VGLL4: variants seen among roughly 807,000 people sequenced by gnomAD.
VGLL4 encodes the protein vestigial like family member 4.
VGLL4 carries 7 observed loss-of-function variants against 21.0 expected under a neutral mutation model. That is an observed-to-expected ratio of 0.33 (90% CI 0.19 to 0.63). The LOEUF is 0.63. VGLL4 is among the 20% of genes least tolerant of loss of function. VGLL4 has a pLI of 0.78. For missense variants in VGLL4, 394 were observed against 425.7 expected, an observed-to-expected ratio of 0.93 and a Z score of 0.66; for synonymous variants, 222 against 173.2, an observed-to-expected ratio of 1.28 and a Z score of -2.21.
chr3:11,591,622 T>C (rs955882161), intron 2 of VGLL4, among the ~76,000 whole-genome samples: 1 of 152,190 alleles, frequency 6.6e-6, no homozygotes, highest in South Asian at 2.1e-4. Flanking sequence ...AATGAGAAAA[T>C]GCCTCTAGCC....
At chr3:11,583,228 C>G (rs971466400) in intron 2 of VGLL4, among the ~76,000 whole-genome samples, 1 of 152,174 alleles carries the variant, frequency 6.6e-6, no homozygotes, top group Non-Finnish European at 1.5e-5. Context: ...TCAGAGTAAA[C>G]TCTGATCAAC....
At chr3:11,607,637 T>C (rs2074975140) in intron 1 of VGLL4, among the ~76,000 whole-genome samples, 1 of 152,210 alleles carries the variant, frequency 6.6e-6, no homozygotes, top group Non-Finnish European at 1.5e-5. Context: ...AATAAGAATA[T>C]ATTTATAAGC....
At chr3:11,589,018 G>A (rs1447734760) in intron 2 of VGLL4, among the ~76,000 whole-genome samples, 1 of 152,178 alleles carries the variant, frequency 6.6e-6, no homozygotes, top group Admixed American at 6.5e-5. Context: ...ACGAGTCTCT[G>A]GAAGATCCTG....
chr3:11,687,711 CTA>C (rs2076472044), intron 2 of VGLL4, among the ~76,000 whole-genome samples: 2 of 152,178 alleles, frequency 1.3e-5, no homozygotes, highest in Admixed American at 1.3e-4. Context: ...AATTAAGTCT[CTA>C]ATCAGTCCTA....
Position 11,559,368 on chromosome 3 carries a change from C to A in VGLL4, c.583G>T (p.Ala195Ser). Residue 195 changes from alanine (A) to serine (S), a missense_variant, in exon 4 of 5, where the codon GCG (alanine) becomes TCG (serine). Transcript: ENST00000430365. ...HCPIAHSGCAAPGPASYRRPP... is the reference protein window; with the variant it reads ...HCPIAHSGCASPGPASYRRPP... ...CTCCGGTAGCTGGCAGGCCCGGGCGCGGCACAGCCGCTGTGCGCGATGGGG... is the reference window on the plus strand; with the variant it reads ...CTCCGGTAGCTGGCAGGCCCGGGCGAGGCACAGCCGCTGTGCGCGATGGGG... 1 of 1,551,638 alleles carries A rather than the reference C, an allele frequency of 6.4e-7. No individual in the cohort carries two copies. The highest frequency in any genetic ancestry group is 8.7e-7 in the Non-Finnish European group (1 of 1,147,800).
Position 11,568,775 on chromosome 3 carries a change from C to G in VGLL4, c.273-3756G>C. Reference sequence around the variant, plus strand: ...CCGGGAGATGGAAGTCGCCTCCGCTCCTGGTCAGGACTGTGCCCGAGAGAG... The same window carrying G: ...CCGGGAGATGGAAGTCGCCTCCGCTGCTGGTCAGGACTGTGCCCGAGAGAG... On this transcript the variant is annotated intron_variant, in intron 2 of 4. Coordinates refer to ENST00000430365, the MANE Select transcript of VGLL4 (RefSeq NM_001128219.3). The surrounding 1 kb of genome is among the most constrained non-coding windows in gnomAD (Gnocchi z 5.9). The G allele has an allele frequency of 6.7e-7, 1 of 1,491,880 alleles. No homozygotes were observed. The highest frequency in any genetic ancestry group is 8.9e-7 in the Non-Finnish European group (1 of 1,122,070). The allele number at this position is 1,491,880 out of a possible 1,614,324, so 92.4% of individuals were successfully genotyped here.
chr3:11,559,625 A>AGTGAGC (rs1252879841), intron 3 of VGLL4, among the ~76,000 whole-genome samples, 170 bp from the exon 4 acceptor site: 2 of 152,316 alleles, frequency 1.3e-5, no homozygotes, highest in Non-Finnish European at 2.9e-5. Context: ...CAATCCACAG[A>AGTGAGC]GTGAGCGCAG....
intron 1 of VGLL4, among the ~76,000 whole-genome samples, chr3:11,628,848 C>A (rs948990196): frequency 6.6e-6 from 1 of 152,100 alleles, no homozygotes; most frequent in South Asian, 2.1e-4. Flanking sequence ...AAAAATCAAT[C>A]TCACTGCTAA....
chr3:11,680,102 A>G (rs2076348675), intron 2 of VGLL4, among the ~76,000 whole-genome samples: 2 of 152,226 alleles, frequency 1.3e-5, no homozygotes, highest in Admixed American at 1.3e-4. Flanking sequence ...AACTGCCCAC[A>G]GTATCCTGTG....
intron 2 of VGLL4, among the ~76,000 whole-genome samples, chr3:11,660,960 G>A (rs1410436978): frequency 6.6e-6 from 1 of 152,144 alleles, no homozygotes; most frequent in Non-Finnish European, 1.5e-5. Context: ...AGCAACAAAA[G>A]CAGCCCATGA....
chr3:11,628,000 A>G (rs2075390897), intron 1 of VGLL4, among the ~76,000 whole-genome samples: 2 of 152,242 alleles, frequency 1.3e-5, no homozygotes, highest in African/African-American at 4.8e-5. Flanking sequence ...TAGCTACATG[A>G]GAGGCTTCTG....
chr3:11,659,441 C>T (rs1281102077), intron 2 of VGLL4, among the ~76,000 whole-genome samples: 4 of 150,158 alleles, frequency 2.7e-5, no homozygotes, highest in Admixed American at 1.3e-4. Flanking sequence ...AAGCAATTCT[C>T]CTGCCTCAGC....
intron 2 of VGLL4, chr3:11,582,302 C>A (rs777808241): frequency 6.2e-6 from 10 of 1,602,918 alleles, no homozygotes; most frequent in Non-Finnish European, 8.5e-6. Flanking sequence ...TTAATCATTG[C>A]CAAAGAGCAT....
At chr3:11,702,030 AT>A (rs201123057) in intron 2 of VGLL4, among the ~76,000 whole-genome samples, 8,508 of 151,936 alleles carry the variant, frequency 0.056, 276 homozygotes, top group Middle Eastern at 0.092. Flanking sequence ...ACTAATGAAC[AT>A]TTTTTTTCTC....
Position 11,681,223 on chromosome 3 carries a change from G to A in VGLL4, c.64+21748C>T, listed in dbSNP as rs552123541. ...CACCATTCTCCTGCCTCAGCCTCCC[G>A]AGTAGCTGGGACTACAGGTGCCCGC... On this transcript the variant is annotated intron_variant, in intron 2 of 5. Coordinates refer to the VGLL4 transcript ENST00000273038. Among the ~76,000 whole-genome samples, 713 of 152,078 alleles carry A rather than the reference G, an allele frequency of 4.7e-3. 1 individual carries two copies. Among genetic ancestry groups the A allele is most frequent in the African/African-American group, 0.016 (677 of 41,526 alleles).
Position 11,562,766 on chromosome 3 carries a change from C to T in VGLL4, c.495+2031G>A, listed in dbSNP as rs547068601. On this transcript the variant is annotated intron_variant, in intron 3 of 4. Coordinates refer to ENST00000430365, the MANE Select transcript of VGLL4 (RefSeq NM_001128219.3). Reference sequence around the variant, plus strand: ...CAACCCCAGCCGAAAATGACAGCTCCGGTCAGGGCCACTGTGCCCTTCCCA... The same window carrying T: ...CAACCCCAGCCGAAAATGACAGCTCTGGTCAGGGCCACTGTGCCCTTCCCA... Among the ~76,000 whole-genome samples, 25 of 152,358 alleles carry T rather than the reference C, an allele frequency of 1.6e-4. No homozygotes were observed. The South Asian group carries it at 2.9e-3, about 18-fold the overall frequency.
chr3:11,622,854 C>T (rs564188774), intron 1 of VGLL4, among the ~76,000 whole-genome samples: 1 of 152,184 alleles, frequency 6.6e-6, no homozygotes, highest in African/African-American at 2.4e-5. Flanking sequence ...GATGTGAGCT[C>T]ATGTAACTGA....
At chr3:11,600,793 C>A (rs1202203998) in intron 2 of VGLL4, among the ~76,000 whole-genome samples, 1 of 152,070 alleles carries the variant, frequency 6.6e-6, no homozygotes, top group Non-Finnish European at 1.5e-5. Flanking sequence ...AAAAGCAGTG[C>A]CCTCAGGAAT....
intron 2 of VGLL4, among the ~76,000 whole-genome samples, chr3:11,682,190 G>C (rs1228754542): frequency 6.6e-6 from 1 of 152,074 alleles, no homozygotes; most frequent in Admixed American, 6.6e-5. Context: ...GATCACTTGA[G>C]GTCAGGAGTT....
Sources: gnomAD v4.1 joint callset for allele counts (sites outside exome capture counted in the v4.1 genomes callset) on GRCh38, gnomAD v4.1.1 for gene constraint, Gnocchi (gnomAD v3.1) non-coding constraint, MANE v1.5 for transcripts, NCBI Gene and HGNC (gene_info 2026-07-23, HGNC 2026-07-21) for gene names.